The following UNC13C variants were observed in gnomAD, a reference collection of about 807,000 sequenced individuals.
UNC13C encodes unc-13 homolog C, also known as protein unc-13 homolog C.
UNC13C carries 174 observed loss-of-function variants against 245.4 expected under a neutral mutation model. The observed-to-expected ratio is 0.71, with a 90% CI of 0.63 to 0.80. The LOEUF is 0.80. UNC13C is among the 30% of genes least tolerant of loss of function. The pLI, the probability that UNC13C is intolerant of heterozygous loss-of-function variation, is 0.00. For synonymous variants in UNC13C, 992 were observed against 895.1 expected (o/e 1.11, Z -1.93); for missense variants, 2,829 against 2,602.9 (o/e 1.09, Z -1.89).
chr15:54,303,582 T>TGTG (rs71132800), intron 13 of UNC13C, among the ~76,000 whole-genome samples: 20,517 of 151,632 alleles, frequency 0.14, 1,536 homozygotes, highest in Admixed American at 0.2. Flanking sequence ...CATTGTATAA[T>TGTG]GTAACTCTTG....
chr15:54,057,568 C>T (rs958587157), intron 2 of UNC13C, among the ~76,000 whole-genome samples: 4 of 152,164 alleles, frequency 2.6e-5, no homozygotes, highest in Non-Finnish European at 4.4e-5. Flanking sequence ...AGAAAGTTAA[C>T]CAGGATATCC....
At chr15:54,183,348 G>T (rs2033863314) in intron 4 of UNC13C, among the ~76,000 whole-genome samples, 1 of 150,910 alleles carries the variant, frequency 6.6e-6, no homozygotes, top group African/African-American at 2.4e-5. Context: ...AAGCAGAAGA[G>T]AATGTTTTCT....
intron 26 of UNC13C, among the ~76,000 whole-genome samples, chr15:54,535,827 T>C (rs183416876): frequency 1.9e-4 from 29 of 152,210 alleles, no homozygotes; most frequent in African/African-American, 2.4e-5. Flanking sequence ...CCAGAATCTC[T>C]GGGACATAGC....
intron 26 of UNC13C, 36 bp downstream of exon 26, chr15:54,533,102 G>A (rs1232408174): frequency 1.3e-6 from 2 of 1,546,862 alleles, no homozygotes; most frequent in Admixed American, 2.0e-5. Context: ...TTTACTTATT[G>A]CCCTAAATTT....
At chr15:54,215,457 G>T (rs184422835) in intron 4 of UNC13C, among the ~76,000 whole-genome samples, 2 of 151,896 alleles carry the variant, frequency 1.3e-5, no homozygotes, top group Non-Finnish European at 2.9e-5. Context: ...AAAAAATAAT[G>T]TAAAGGTGAA....
At chr15:54,093,320 T>A (rs1243600683) in intron 2 of UNC13C, among the ~76,000 whole-genome samples, 2 of 152,234 alleles carry the variant, frequency 1.3e-5, no homozygotes, top group Admixed American at 1.3e-4. Flanking sequence ...AACTTTTTGC[T>A]TTTCTCAGCA....
At chr15:53,855,983 A>G in the UNC13C span, among the ~76,000 whole-genome samples, 1 of 152,160 alleles carries the variant, frequency 6.6e-6, no homozygotes, top group Admixed American at 6.5e-5. Context: ...TTATTGGTCC[A>G]TTCAGGAATG....
At chr15:54,131,347 C>T (rs1490912638) in intron 2 of UNC13C, among the ~76,000 whole-genome samples, 4 of 152,068 alleles carry the variant, frequency 2.6e-5, no homozygotes, top group Non-Finnish European at 4.4e-5. Flanking sequence ...TTGTGTGATT[C>T]CACATTGCGA....
At chr15:54,129,344 A>G (rs2899525) in intron 2 of UNC13C, among the ~76,000 whole-genome samples, 55,816 of 152,070 alleles carry the variant, frequency 0.37, 10,318 homozygotes, top group Admixed American at 0.39. Context: ...ATCTTATCAC[A>G]TACTTTCTTT....
At chr15:54,047,224 C>A (rs1314937471) in intron 2 of UNC13C, among the ~76,000 whole-genome samples, 1 of 151,892 alleles carries the variant, frequency 6.6e-6, no homozygotes, top group African/African-American at 2.4e-5. Context: ...GCCTTCTTAC[C>A]CATTTTAGGT....
chr15:54,429,267 T>A (rs2040819069), intron 19 of UNC13C, among the ~76,000 whole-genome samples: 1 of 151,788 alleles, frequency 6.6e-6, no homozygotes, highest in Non-Finnish European at 1.5e-5. Context: ...AATTTATAAG[T>A]GAAAGTATTA....
the UNC13C span, among the ~76,000 whole-genome samples, chr15:53,905,296 A>G: frequency 2.6e-5 from 4 of 152,018 alleles, no homozygotes; most frequent in African/African-American, 9.7e-5. Flanking sequence ...AGATATAGAA[A>G]CAATCTAAGT....
chr15:54,015,746 GAGA>G lies in UNC13C; in HGVS notation c.2847_2849del (p.Glu949del), dbSNP rs767257873. 4.3e-6 allele frequency: 7 copies of G among 1,613,270 alleles called. No individual in the cohort carries two copies. Among genetic ancestry groups the G allele is most frequent in the Non-Finnish European group, 5.9e-6 (7 of 1,179,558 alleles). ...GAAACATCAGCTGAGATGGAAATAA[GAGA>G]AGATGAAAACCAAAACATTCCTGAA... On this transcript the variant is annotated inframe_deletion, in exon 2 of 33. Transcript: ENST00000260323.
chr15:53,879,969 G>A, the UNC13C span, among the ~76,000 whole-genome samples: 60 of 151,140 alleles, frequency 4.0e-4, no homozygotes, highest in East Asian at 7.8e-4. Flanking sequence ...GTGTGTGTGT[G>A]TGTATATACA....
At chr15:53,859,205 T>A in the UNC13C span, among the ~76,000 whole-genome samples, 16 of 152,330 alleles carry the variant, frequency 1.1e-4, no homozygotes, top group African/African-American at 3.8e-4. Context: ...TTAAAAATTT[T>A]TAATGTCTCA....
intron 2 of UNC13C, among the ~76,000 whole-genome samples, chr15:54,071,854 G>A (rs1472019963): frequency 1.3e-5 from 2 of 152,130 alleles, no homozygotes; most frequent in African/African-American, 2.4e-5. Context: ...ATAATCTTGT[G>A]CCTTTAAAGG....
At chr15:54,349,216 A>C (rs941241002) in intron 17 of UNC13C, among the ~76,000 whole-genome samples, 1 of 150,996 alleles carries the variant, frequency 6.6e-6, no homozygotes, top group Non-Finnish European at 1.5e-5. Context: ...TGACTAGTAT[A>C]TAAAATTTTA....
intron 27 of UNC13C, among the ~76,000 whole-genome samples, chr15:54,547,086 C>T (rs934665981): frequency 6.6e-6 from 1 of 152,122 alleles, no homozygotes; most frequent in Non-Finnish European, 1.5e-5. Context: ...AAACATGTAT[C>T]AAAGTTCTAT....
intron 13 of UNC13C, among the ~76,000 whole-genome samples, chr15:54,309,114 T>C (rs1168506414): frequency 6.6e-6 from 1 of 151,876 alleles, no homozygotes; most frequent in African/African-American, 2.4e-5. Context: ...TAATTTACAT[T>C]ACCATCAACA....
Sources: allele counts gnomAD v4.1 joint callset (sites outside exome capture counted in the v4.1 genomes callset), GRCh38; gene constraint gnomAD v4.1.1; transcripts MANE v1.5; gene names NCBI Gene and HGNC (gene_info 2026-07-23, HGNC 2026-07-21).